ABR: variants seen among roughly 807,000 people sequenced by gnomAD.
ABR encodes the protein ABR activator of RhoGEF and GTPase, also known as active breakpoint cluster region-related protein.
ABR carries 35 observed loss-of-function variants against 107.2 expected under a neutral mutation model. That is an observed-to-expected ratio of 0.33 (90% CI 0.25 to 0.43). The LOEUF (loss-of-function observed/expected upper bound fraction) is 0.43, where lower values mean the gene tolerates loss of function less well. Among genes scored for constraint, ABR ranks in the 20% least tolerant of loss-of-function variants. The pLI is 1.00. For synonymous variants in ABR, 498 were observed against 462.0 expected (o/e 1.08, Z -1.00); for missense variants, 815 against 1,115.2 (o/e 0.73, Z 3.83).
upstream of ABR, among the ~76,000 whole-genome samples, chr17:1,191,474 C>T (rs185621508): frequency 0.032 from 4,763 of 150,602 alleles, 117 homozygotes; most frequent in East Asian, 0.14. Context: ...TCTCCTGTCT[C>T]AGCCTCCCGA....
intron 6 of ABR, among the ~76,000 whole-genome samples, chr17:1,076,730 G>A (rs1283182089): frequency 8.0e-6 from 1 of 124,654 alleles, no homozygotes; most frequent in Non-Finnish European, 1.6e-5. Flanking sequence ...GGGTGGGGGT[G>A]GGGGGGGTGG....
At chr17:1,109,465 C>T (rs1029797909) in intron 2 of ABR, among the ~76,000 whole-genome samples, 9 of 152,024 alleles carry the variant, frequency 5.9e-5, no homozygotes, top group African/African-American at 2.2e-4. Flanking sequence ...GAGGTGGAGC[C>T]GCCCGTCCTC....
In ABR at chr17:1,070,517, T is replaced by A. The variant is rs562751760; in HGVS notation, c.895-427A>T. 6.6e-6 allele frequency among the ~76,000 whole-genome samples: 1 copy of A among 152,026 alleles called. No homozygotes were observed. The highest frequency in any genetic ancestry group is 2.4e-5 in the African/African-American group (1 of 41,394). On this transcript the variant is annotated intron_variant, in intron 8 of 22. Coordinates refer to ENST00000302538, the MANE Select transcript of ABR (RefSeq NM_021962.5). This position sits in a 1 kb window ranked among gnomAD's most constrained non-coding sequence, Gnocchi z 4.2. Reference sequence around the variant, plus strand: ...CACCCTGGGGCACGAACATCCCCGTTTGCAATCCCTCCCGACCGCGGCGGC... The same window carrying A: ...CACCCTGGGGCACGAACATCCCCGTATGCAATCCCTCCCGACCGCGGCGGC...
At chr17:1,049,009 C>T (rs949759885) in intron 16 of ABR, among the ~76,000 whole-genome samples, 4 of 152,184 alleles carry the variant, frequency 2.6e-5, no homozygotes, top group Admixed American at 1.3e-4. Context: ...GGCTCCACCA[C>T]GTCACGCCTT....
At chr17:1,079,865 G>T (rs1018415294) in intron 5 of ABR, among the ~76,000 whole-genome samples, 20 of 139,454 alleles carry the variant, frequency 1.4e-4, no homozygotes, top group African/African-American at 4.9e-4. Flanking sequence ...GGCTGCCTCT[G>T]CCACCCCAAT....
chr17:1,145,995 C>A (rs190331124), intron 1 of ABR, among the ~76,000 whole-genome samples: 24 of 152,316 alleles, frequency 1.6e-4, no homozygotes, highest in Admixed American at 1.4e-3. Flanking sequence ...TACTGTTGAA[C>A]TGGGCTGTCA....
chr17:1,024,595 G>A (rs1332382771), intron 16 of ABR, among the ~76,000 whole-genome samples: 1 of 152,092 alleles, frequency 6.6e-6, no homozygotes, highest in Non-Finnish European at 1.5e-5. Context: ...ACATCAGCCT[G>A]CGCAACATAA....
At chr17:1,185,024 C>T (rs752422941) in intron 1 of ABR, 7 of 152,120 alleles carry the variant, frequency 4.6e-5, no homozygotes, top group East Asian at 1.9e-4. Flanking sequence ...CCAGGGTTCC[C>T]GTGTGTAATC....
intron 1 of ABR, among the ~76,000 whole-genome samples, chr17:1,207,601 A>G (rs538678816): frequency 7.3e-6 from 1 of 137,452 alleles, no homozygotes; most frequent in South Asian, 2.7e-4. Flanking sequence ...GTGAGCCGAG[A>G]TGGCGCCAGT....
intron 7 of ABR, among the ~76,000 whole-genome samples, chr17:1,073,179 CAAAAAA>C (rs35495689): frequency 1.1e-4 from 6 of 53,204 alleles, no homozygotes; most frequent in African/African-American, 3.9e-4. Flanking sequence ...GACTCCGCCT[CAAAAAA>C]AAAAAAAAAA....
chr17:1,135,100 AGAG>A (rs763114332), intron 1 of ABR, among the ~76,000 whole-genome samples: 4 of 152,174 alleles, frequency 2.6e-5, no homozygotes, highest in Non-Finnish European at 5.9e-5. Context: ...TCAGGCGGTG[AGAG>A]GAGGCTTGGC....
At chr17:1,074,525 T>C (rs3786065) in intron 6 of ABR, among the ~76,000 whole-genome samples, 70,704 of 152,120 alleles carry the variant, frequency 0.46, 17,998 homozygotes, top group African/African-American at 0.67. Context: ...AGGGCAGCTC[T>C]CCAGACCTTA....
chr17:1,134,092 C>A (rs2151477762), intron 1 of ABR, among the ~76,000 whole-genome samples: 1 of 152,300 alleles, frequency 6.6e-6, no homozygotes, highest in Admixed American at 6.5e-5. Flanking sequence ...CCAGCCTGGG[C>A]AAGATGGTGA....
In ABR at chr17:1,049,672, G is replaced by A. The variant is rs78473086; in HGVS notation, c.1791+378C>T. ...TCCGTGTGCCTAACTCCGGTCCCCC[G>A]TCAATGGCAGACACGGCTCCTCACA... On this transcript the variant is annotated intron_variant, in intron 16 of 22. Transcript: ENST00000302538. Among the ~76,000 whole-genome samples the A allele has an allele frequency of 7.4e-3, 1,121 of 152,152 alleles. 9 individuals are homozygous for A. The highest frequency in any genetic ancestry group is 0.031 in the Middle Eastern group (9 of 294).
chr17:1,210,362 G>A lies in ABR; in HGVS notation c.838+18431C>T, dbSNP rs4968184. Reference sequence around the variant, plus strand: ...CCCATCTCTGCTACCCAGCTTCTCCGCACTATCGTCCACGTTATCACTCAG... The same window carrying A: ...CCCATCTCTGCTACCCAGCTTCTCCACACTATCGTCCACGTTATCACTCAG... On this transcript the variant is annotated intron_variant, in intron 1 of 22. Coordinates refer to the ABR transcript ENST00000574139. This position sits in a 1 kb window ranked among gnomAD's most constrained non-coding sequence, Gnocchi z 5.6. Among the ~76,000 whole-genome samples, 1,291 of 86,334 alleles carry A rather than the reference G, an allele frequency of 0.015. 172 individuals carry two copies. Among genetic ancestry groups the A allele is most frequent in the East Asian group, 0.12 (112 of 962 alleles). The allele number at this position is 86,334 out of a possible 152,430, so 56.6% of individuals were successfully genotyped here. A position where few individuals can be genotyped will look rare whatever the true frequency, so the allele number is the denominator to read the frequency against.
In ABR at chr17:1,146,542, C is replaced by T. The variant is rs73975656; in HGVS notation, c.62-21175G>A. On this transcript the variant is annotated intron_variant, in intron 1 of 22. Transcript: ENST00000302538. ...AAGATGACCATGATTCTGCCACTTC[C>T]CCTAGAAGTCAGTTACACCCAAGTC... Among the ~76,000 whole-genome samples the T allele has an allele frequency of 6.8e-3, 1,031 of 152,280 alleles. 12 individuals are homozygous for T. The highest frequency in any genetic ancestry group is 0.024 in the African/African-American group (992 of 41,542).
chr17:1,195,449 C>A (rs558466626), intron 1 of ABR, among the ~76,000 whole-genome samples: 1 of 151,684 alleles, frequency 6.6e-6, no homozygotes, highest in Non-Finnish European at 1.5e-5. Flanking sequence ...GTGTATCTCT[C>A]TCCCAAAGGC....
At chr17:1,048,002 G>A (rs1339782067) in intron 16 of ABR, among the ~76,000 whole-genome samples, 7 of 152,182 alleles carry the variant, frequency 4.6e-5, no homozygotes, top group Admixed American at 1.3e-4. Context: ...GGAGTGTGGC[G>A]TGGCGACCAC....
intron 1 of ABR, chr17:1,228,721 G>GGGAAGGGGTCCC (rs2043270225): frequency 6.6e-6 from 1 of 151,982 alleles, no homozygotes; most frequent in African/African-American, 2.4e-5. Flanking sequence ...GGAGTCGGCC[G>GGGAAGGGGTCCC]GGAAGGGGTC....
Sources: gnomAD v4.1 joint callset for allele counts (sites outside exome capture counted in the v4.1 genomes callset) on GRCh38, gnomAD v4.1.1 for gene constraint, Gnocchi (gnomAD v3.1) non-coding constraint, MANE v1.5 for transcripts, NCBI Gene and HGNC (gene_info 2026-07-23, HGNC 2026-07-21) for gene names.